Variants in ASB2 observed in about 807,000 individuals in gnomAD.
ASB2 encodes ankyrin repeat and SOCS box protein 2.
Under a neutral mutation model 62.4 loss-of-function variants are expected in ASB2, and 58 were observed. That is an observed-to-expected ratio of 0.93 (90% CI 0.75 to 1.16). The LOEUF is 1.16. Ranked by LOEUF, ASB2 falls within the 50% of genes most tolerant of loss-of-function variation. ASB2 has a pLI of 0.00. For synonymous variants in ASB2, 386 were observed against 385.3 expected, an observed-to-expected ratio of 1.00 and a Z score of -0.02; for missense variants, 928 against 887.9, an observed-to-expected ratio of 1.05 and a Z score of -0.57.
chr14:93,935,275 G>A (rs549870327), intron 9 of ASB2, among the ~76,000 whole-genome samples: 22 of 152,328 alleles, frequency 1.4e-4, no homozygotes, highest in South Asian at 4.1e-4. Context: ...GAGACTGACA[G>A]CTCGCCTCGA....
intron 4 of ASB2, 176 bp downstream of exon 4, chr14:93,954,140 GT>G: frequency 1.6e-6 from 1 of 607,656 alleles, no homozygotes; most frequent in Non-Finnish European, 2.9e-6. Flanking sequence ...GCAGCAGGGG[GT>G]GGGGACAACT....
intron 1 of ASB2, among the ~76,000 whole-genome samples, chr14:93,975,783 G>A (rs1423318404): frequency 6.6e-6 from 1 of 152,182 alleles, no homozygotes; most frequent in Non-Finnish European, 1.5e-5. Context: ...CCACCCTGAG[G>A]CATCCCACCC....
In ASB2 at chr14:93,976,452, AG is replaced by A. The variant is rs1338332035; in HGVS notation, c.-93del. The A allele has an allele frequency of 1.3e-5, 2 of 152,236 alleles. No individual in the cohort carries two copies. Among genetic ancestry groups the A allele is most frequent in the Non-Finnish European group, 2.9e-5 (2 of 68,042 alleles). 9.4% of individuals were successfully genotyped at this position (152,236 alleles called of 1,614,324 possible). ...GCATTACCTGTTAGGCTCTGAAACA[AG>A]GGTACAATTCAGGGGTAATACAAAG... is the stretch of plus-strand genomic sequence containing the variant. On this transcript the variant is annotated 5_prime_UTR_variant, in exon 1 of 10. Transcript: ENST00000555019.
At chr14:93,953,319 G>T (rs68087715) in intron 5 of ASB2, 33 bp downstream of exon 5, 310,030 of 1,500,504 alleles carry the variant, frequency 0.21, 37,241 homozygotes, top group African/African-American at 0.53. Flanking sequence ...GGATTCTTCC[G>T]CAGGAAAGCT....
intron 3 of ASB2, among the ~76,000 whole-genome samples, chr14:93,954,939 A>G (rs1339076182): frequency 6.6e-6 from 1 of 152,304 alleles, no homozygotes; most frequent in East Asian, 1.9e-4. Context: ...TGCAGAAAAA[A>G]AATATATACT....
chr14:93,976,271 A>G (rs1889909822), intron 1 of ASB2, among the ~76,000 whole-genome samples, 163 bp downstream of exon 1: 1 of 152,210 alleles, frequency 6.6e-6, no homozygotes, highest in South Asian at 2.1e-4. Flanking sequence ...CCAAAACGAA[A>G]GTCACCAGCG....
intron 6 of ASB2, among the ~76,000 whole-genome samples, chr14:93,949,065 T>C (rs577363929): frequency 3.3e-5 from 5 of 151,724 alleles, no homozygotes; most frequent in Non-Finnish European, 5.9e-5. Context: ...GGGCAGGGGG[T>C]GAGGGGGAGA....
intron 7 of ASB2, chr14:93,942,157 G>T (rs1275680881): frequency 2.2e-6 from 1 of 455,430 alleles, no homozygotes; most frequent in Non-Finnish European, 4.4e-6. Context: ...GGACAAGGGG[G>T]TGACCCCACC....
At chr14:93,965,384 T>G (rs942616515) in intron 1 of ASB2, among the ~76,000 whole-genome samples, 1 of 152,244 alleles carries the variant, frequency 6.6e-6, no homozygotes, top group African/African-American at 2.4e-5. Flanking sequence ...TTCTTTGCAC[T>G]GTGATGGGCC....
At chr14:93,950,928 G>T in intron 6 of ASB2, 71 bp downstream of exon 6, 1 of 1,540,824 alleles carries the variant, frequency 6.5e-7, no homozygotes, top group Non-Finnish European at 8.8e-7. Context: ...CCTTCCCTTA[G>T]AGCTGACCTC....
chr14:93,944,843 T>A (rs1888663165), intron 7 of ASB2, among the ~76,000 whole-genome samples: 2 of 152,194 alleles, frequency 1.3e-5, no homozygotes, highest in African/African-American at 4.8e-5. Context: ...CGCGCCTTAC[T>A]CTCTGATCAT....
rs866197152 is a variant in ASB2 at position 93,964,364 on chromosome 14, C to T, written c.176G>A (p.Arg59His). Residue 59 changes from arginine (R) to histidine (H), a missense_variant, in exon 2 of 10, where the codon CGC becomes CAC. Physicochemically the swap from Arg to His is conservative, Grantham distance 29 (BLOSUM62 0). Coordinates refer to ENST00000555019, the MANE Select transcript of ASB2 (RefSeq NM_001202429.2). ...CCATGGGTAGAAATGGGCAGGTTGG[C>T]GGTTGGTACATGCAGACGCGGTGGC... ...AEATASACTN[R>H]QPAHFYPWTR... 7.2e-5 allele frequency: 111 copies of T among 1,536,038 alleles called. No homozygotes were observed. The highest frequency in any genetic ancestry group is 3.6e-4 in the African/African-American group (26 of 73,060).
intron 9 of ASB2, among the ~76,000 whole-genome samples, chr14:93,935,371 G>A (rs904116547): frequency 6.6e-6 from 1 of 152,234 alleles, no homozygotes; most frequent in African/African-American, 2.4e-5. Flanking sequence ...TAAGAGCAGG[G>A]ATGAACGCAT....
intron 3 of ASB2, chr14:93,955,512 C>A (rs1392982317): frequency 1.1e-5 from 2 of 189,638 alleles, no homozygotes; most frequent in Non-Finnish European, 2.2e-5. Context: ...CCCCTGTCAG[C>A]ATCAGGAAAA....
At chr14:93,961,173 C>T (rs190808831) in intron 2 of ASB2, among the ~76,000 whole-genome samples, 11 of 152,270 alleles carry the variant, frequency 7.2e-5, no homozygotes, top group South Asian at 6.2e-4. Flanking sequence ...AAGGCTCCAA[C>T]GCCCACCTCA....
At chr14:93,935,920 TA>T (rs1398753729) in intron 9 of ASB2, among the ~76,000 whole-genome samples, 1 of 152,234 alleles carries the variant, frequency 6.6e-6, no homozygotes, top group African/African-American at 2.4e-5. Context: ...GTGGTCTGGA[TA>T]AAAAATAATG....
intron 1 of ASB2, among the ~76,000 whole-genome samples, chr14:93,967,361 T>G (rs60406867): frequency 0.06 from 9,117 of 152,296 alleles, 747 homozygotes; most frequent in African/African-American, 0.18. Context: ...AAAGCTGGTC[T>G]GGCTTTACAT....
chr14:93,974,780 G>A (rs1567035056), intron 1 of ASB2, among the ~76,000 whole-genome samples: 1 of 152,342 alleles, frequency 6.6e-6, no homozygotes, highest in South Asian at 2.1e-4. Flanking sequence ...GTAACTCATG[G>A]TAGCCTTGAC....
intron 3 of ASB2, chr14:93,955,625 C>T: frequency 5.9e-6 from 1 of 170,374 alleles, no homozygotes; most frequent in Non-Finnish European, 1.3e-5. Context: ...CCTTGGCGAG[C>T]AGGGCGTGGT....
Sources: gnomAD v4.1 joint callset for allele counts (sites outside exome capture counted in the v4.1 genomes callset) on GRCh38, gnomAD v4.1.1 for gene constraint, MANE v1.5 for transcripts, NCBI Gene and HGNC (gene_info 2026-07-23, HGNC 2026-07-21) for gene names.